The following SPRED2 variants were observed in gnomAD, a reference collection of about 807,000 sequenced individuals.
SPRED2 encodes sprouty related EVH1 domain containing 2, also known as sprouty-related, EVH1 domain-containing protein 2.
In SPRED2, 47 loss-of-function variants were observed where a neutral mutation model predicts 43.0. The ratio of observed to expected loss-of-function variants is 1.09; its 90% CI spans 0.87 to 1.40. The LOEUF (loss-of-function observed/expected upper bound fraction) is 1.40, where lower values mean the gene tolerates loss of function less well. Ranked by LOEUF, SPRED2 falls within the 40% of genes most tolerant of loss-of-function variation. SPRED2 has a pLI of 0.00. For synonymous variants in SPRED2, 225 were observed against 225.7 expected (o/e 1.00, Z 0.03); for missense variants, 561 against 586.4 (o/e 0.96, Z 0.45).
chr2:65,403,732 T>G (rs974497274), intron 1 of SPRED2, among the ~76,000 whole-genome samples: 2 of 152,212 alleles, frequency 1.3e-5, no homozygotes, highest in African/African-American at 4.8e-5. Flanking sequence ...AATGGGAACT[T>G]GCAACTTAGC....
intron 1 of SPRED2, among the ~76,000 whole-genome samples, chr2:65,404,041 C>T (rs548252545): frequency 4.3e-4 from 66 of 152,094 alleles, no homozygotes; most frequent in Admixed American, 2.9e-3. Flanking sequence ...CCCGTCTCTA[C>T]TAAAAATACA....
intron 1 of SPRED2, chr2:65,377,937 G>T: frequency 3.3e-6 from 1 of 303,836 alleles, no homozygotes; most frequent in East Asian, 7.9e-5. Flanking sequence ...GTTTACCAAA[G>T]GGAACATGCC....
intron 2 of SPRED2, among the ~76,000 whole-genome samples, chr2:65,342,166 ATATAT>A (rs1016347656): frequency 2.8e-4 from 41 of 147,496 alleles, no homozygotes; most frequent in Admixed American, 7.5e-4. Flanking sequence ...TTTTATATAC[ATATAT>A]TATGTATGTA....
intron 5 of SPRED2, among the ~76,000 whole-genome samples, chr2:65,315,582 G>A (rs544580435): frequency 8.6e-4 from 131 of 152,278 alleles, no homozygotes; most frequent in African/African-American, 2.8e-3. Context: ...AAACTGACAC[G>A]GGCTTTACTA....
intron 1 of SPRED2, among the ~76,000 whole-genome samples, chr2:65,376,973 C>A (rs989368216): frequency 1.3e-5 from 2 of 152,180 alleles, no homozygotes; most frequent in Non-Finnish European, 2.9e-5. Context: ...CTCGGCCTCC[C>A]AAAGTGCTGA....
At chr2:65,334,190 C>A (rs760855938) in intron 3 of SPRED2, 1 of 471,544 alleles carries the variant, frequency 2.1e-6, no homozygotes, top group African/African-American at 2.0e-5. Flanking sequence ...CAGCTGTACA[C>A]CCTGGGCCTC....
chr2:65,389,760 G>A (rs1242356707), intron 1 of SPRED2, among the ~76,000 whole-genome samples: 2 of 152,312 alleles, frequency 1.3e-5, no homozygotes, highest in Non-Finnish European at 2.9e-5. Context: ...CAGAAATGGA[G>A]TTGCTCTAAC....
rs761491800 is a variant in SPRED2, at chr2:65,344,756, C to T, written c.167G>A (p.Gly56Asp). 1.9e-6 allele frequency: 3 copies of T among 1,614,166 alleles called. No homozygotes were observed. The Admixed American group carries it at 5.0e-5, about 27-fold the overall frequency. The change falls in exon 2 of 6, where the codon GGC (glycine) becomes GAC (aspartate). Residue 56 changes from glycine to aspartate, a missense_variant. Coordinates refer to ENST00000356388, the MANE Select transcript of SPRED2 (RefSeq NM_181784.3). ...VMHPEGNGRSGFLIHGERQKD... is the reference protein window; with the variant it reads ...VMHPEGNGRSDFLIHGERQKD... ...CTGTCGTTCACCATGGATGAGAAAG[C>T]CGCTTCGTCCATTGCCTTCGGGGTG... is the stretch of plus-strand genomic sequence containing the variant.
intron 1 of SPRED2, among the ~76,000 whole-genome samples, chr2:65,417,261 C>CA (rs1308707469): frequency 6.6e-6 from 1 of 152,180 alleles, no homozygotes; most frequent in Non-Finnish European, 1.5e-5. Flanking sequence ...GTTTCATAAA[C>CA]ATTTTTCTGG....
chr2:65,389,979 G>A (rs1675592873), intron 1 of SPRED2, among the ~76,000 whole-genome samples: 1 of 152,212 alleles, frequency 6.6e-6, no homozygotes, highest in African/African-American at 2.4e-5. Context: ...AAAACAATGT[G>A]CAAGTGTGAG....
chr2:65,366,007 T>A (rs1674960297), intron 1 of SPRED2, among the ~76,000 whole-genome samples: 1 of 150,804 alleles, frequency 6.6e-6, no homozygotes, highest in East Asian at 2.0e-4. Context: ...ATGAATTCAG[T>A]ATGAGCAAAT....
chr2:65,356,297 A>G (rs1407532409), intron 1 of SPRED2, among the ~76,000 whole-genome samples: 1 of 152,236 alleles, frequency 6.6e-6, no homozygotes, highest in Non-Finnish European at 1.5e-5. Flanking sequence ...ATAAAACAAT[A>G]ATAGCAAAAT....
intron 5 of SPRED2, among the ~76,000 whole-genome samples, chr2:65,315,405 T>G (rs1157748115): frequency 1.3e-5 from 2 of 152,202 alleles, no homozygotes; most frequent in Admixed American, 1.3e-4. Flanking sequence ...CATTATCATA[T>G]TGTTACGGAC....
intron 1 of SPRED2, among the ~76,000 whole-genome samples, chr2:65,345,763 G>C (rs1487854674): frequency 6.6e-6 from 1 of 152,076 alleles, no homozygotes; most frequent in African/African-American, 2.4e-5. Context: ...CATATTTGTA[G>C]ACTTCTGTTT....
chr2:65,342,171 T>TG (rs1674204790), intron 2 of SPRED2, among the ~76,000 whole-genome samples: 1 of 148,394 alleles, frequency 6.7e-6, no homozygotes, highest in Non-Finnish European at 1.5e-5. Context: ...TATACATATA[T>TG]TATGTATGTA....
downstream of SPRED2, chr2:65,308,394 A>T (rs1314303595): frequency 2.0e-6 from 2 of 985,368 alleles, no homozygotes; most frequent in South Asian, 9.4e-5. Flanking sequence ...GGAGCTGTGA[A>T]CATACCTGGA....
intron 1 of SPRED2, among the ~76,000 whole-genome samples, chr2:65,409,691 CAAAAAAAAAAAA>C (rs59225849): frequency 2.2e-5 from 2 of 90,214 alleles, no homozygotes; most frequent in East Asian, 3.7e-4. Flanking sequence ...CAGTTTCCTG[CAAAAAAAAAAAA>C]AAAAAAAAAA....
intron 1 of SPRED2, among the ~76,000 whole-genome samples, chr2:65,430,975 C>G (rs1209979382): frequency 6.6e-6 from 1 of 152,148 alleles, no homozygotes; most frequent in Non-Finnish European, 1.5e-5. Context: ...TCGGGCCCCG[C>G]GGCCCCGCCC....
chr2:65,322,357 G>A (rs1227305313), intron 4 of SPRED2, among the ~76,000 whole-genome samples: 7 of 136,486 alleles, frequency 5.1e-5, no homozygotes, highest in Non-Finnish European at 4.6e-5. Context: ...GCAGTGGCAC[G>A]ATCTCGGCTC....
Sources: allele counts gnomAD v4.1 joint callset (sites outside exome capture counted in the v4.1 genomes callset), GRCh38; gene constraint gnomAD v4.1.1; transcripts MANE v1.5; gene names NCBI Gene and HGNC (gene_info 2026-07-23, HGNC 2026-07-21).